Variants in TYR observed in about 807,000 individuals in gnomAD.
TYR encodes tyrosinase, also known as LB24-AB.
In TYR, 58 loss-of-function variants were observed where a neutral mutation model predicts 51.5. The ratio of observed to expected loss-of-function variants is 1.13; its 90% CI spans 0.91 to 1.40. The LOEUF (loss-of-function observed/expected upper bound fraction) is 1.40. Among genes scored for constraint, TYR ranks in the 40% most tolerant of loss-of-function variants. The pLI is 0.00. For missense variants in TYR, 732 were observed against 647.4 expected, an observed-to-expected ratio of 1.13 and a Z score of -1.42; for synonymous variants, 263 against 235.2, an observed-to-expected ratio of 1.12 and a Z score of -1.08.
chr11:89,215,292 A>G (rs777046446), intron 2 of TYR, among the ~76,000 whole-genome samples: 7 of 149,360 alleles, frequency 4.7e-5, no homozygotes, highest in Middle Eastern at 3.3e-3. Flanking sequence ...CACAAAACCA[A>G]TCACCGTATG....
At chr11:89,211,199 A>G (rs117239866) in intron 2 of TYR, among the ~76,000 whole-genome samples, 35,318 of 152,034 alleles carry the variant, frequency 0.23, 6,356 homozygotes, top group African/African-American at 0.5. Context: ...TCGATGTGCT[A>G]TATTCAGGAG....
At position 89,247,305 on chromosome 11, in the gene TYR, C is replaced by A. The variant is rs533575101; in HGVS notation, c.1184+19335C>A. On this transcript the variant is annotated intron_variant, in intron 3 of 4. Coordinates refer to ENST00000263321, the MANE Select transcript of TYR (RefSeq NM_000372.5). ...CAGAACCTAGCACATAGGAGACATT[C>A]ATTACATACTTATTAGACTAAGTTG... Among the ~76,000 whole-genome samples, 4 of 152,278 alleles carry A rather than the reference C, an allele frequency of 2.6e-5. No homozygotes were observed. In the East Asian group the frequency reaches 7.7e-4, roughly 29 times the overall value.
chr11:89,189,499 T>C (rs759828444), intron 1 of TYR, among the ~76,000 whole-genome samples: 1 of 151,702 alleles, frequency 6.6e-6, no homozygotes, highest in Non-Finnish European at 1.5e-5. Context: ...AAGCACAAAA[T>C]GAAACTATTT....
At chr11:89,215,596 G>C (rs1347633885) in intron 2 of TYR, among the ~76,000 whole-genome samples, 1 of 152,058 alleles carries the variant, frequency 6.6e-6, no homozygotes, top group Non-Finnish European at 1.5e-5. Context: ...TTAAAAATTT[G>C]AGTCTAAGCA....
chr11:89,179,051 C>A (rs1354968931), intron 1 of TYR, among the ~76,000 whole-genome samples: 4 of 151,832 alleles, frequency 2.6e-5, no homozygotes, highest in Non-Finnish European at 5.9e-5. Flanking sequence ...TAGTATGGTG[C>A]CTTTAAAAAT....
At chr11:89,261,611 T>A (rs1944457077) in intron 3 of TYR, among the ~76,000 whole-genome samples, 1 of 152,076 alleles carries the variant, frequency 6.6e-6, no homozygotes, top group Non-Finnish European at 1.5e-5. Flanking sequence ...TCAACTATAA[T>A]AGAGACTTTT....
At chr11:89,209,109 A>C (rs561932834) in intron 2 of TYR, among the ~76,000 whole-genome samples, 10 of 152,346 alleles carry the variant, frequency 6.6e-5, no homozygotes, top group Admixed American at 3.9e-4. Context: ...TGCAGCCCAC[A>C]GAAGGTGAAC....
chr11:89,238,069 C>T (rs1227211458), intron 3 of TYR, among the ~76,000 whole-genome samples: 1 of 152,036 alleles, frequency 6.6e-6, no homozygotes, highest in Non-Finnish European at 1.5e-5. Flanking sequence ...CTCCTGACCT[C>T]AAGTGATCCA....
rs1461376975 is a variant in TYR at position 89,218,699 on chromosome 11, CTTAA to C, written c.1037-9120_1037-9117del. Among the ~76,000 whole-genome samples the C allele has an allele frequency of 9.8e-4, 150 of 152,290 alleles. 2 individuals carry two copies. The highest frequency in any genetic ancestry group is 3.8e-4 in the African/African-American group (16 of 41,566). ...TCTAAAAACTTTTCACGTCCATTAT[CTTAA>C]TTATTCTTCTTAAATGCCTTATACC... is the stretch of plus-strand genomic sequence containing the variant. On this transcript the variant is annotated intron_variant, in intron 2 of 4. Coordinates refer to ENST00000263321, the MANE Select transcript of TYR (RefSeq NM_000372.5).
intron 1 of TYR, among the ~76,000 whole-genome samples, chr11:89,182,872 G>GA (rs34295137): frequency 2.0e-5 from 3 of 151,624 alleles, no homozygotes; most frequent in Non-Finnish European, 4.4e-5. Context: ...AAACAAAGAG[G>GA]AAAAAACATT....
chr11:89,260,180 GT>G, intron 3 of TYR, among the ~76,000 whole-genome samples: 1 of 150,862 alleles, frequency 6.6e-6, no homozygotes, highest in African/African-American at 2.4e-5. Context: ...CTATCAGACA[GT>G]TTTATTACCT....
chr11:89,208,410 ATTGACCTTTC>A (rs528053007), intron 2 of TYR, among the ~76,000 whole-genome samples: 153 of 152,360 alleles, frequency 1.0e-3, no homozygotes, highest in African/African-American at 3.4e-3. Context: ...ACTTTTATTT[ATTGACCTTTC>A]TTGATGCATA....
At chr11:89,202,622 T>TACATACACACACACACACAC (rs1555086932) in intron 2 of TYR, among the ~76,000 whole-genome samples, 60 of 141,370 alleles carry the variant, frequency 4.2e-4, no homozygotes, top group African/African-American at 1.5e-3. Context: ...ATTTTCATAA[T>TACATACACACACACACACAC]ACACACACAC....
At chr11:89,224,061 A>G (rs1390220851) in intron 2 of TYR, among the ~76,000 whole-genome samples, 2 of 152,108 alleles carry the variant, frequency 1.3e-5, no homozygotes, top group African/African-American at 2.4e-5. Flanking sequence ...AACACCTGAT[A>G]TAGGATGAGA....
chr11:89,212,490 C>A lies in TYR; in HGVS notation c.1037-15333C>A, dbSNP rs541107293. Among the ~76,000 whole-genome samples, 10 of 152,234 alleles carry A rather than the reference C, an allele frequency of 6.6e-5. No homozygotes were observed. In the South Asian group the frequency reaches 2.1e-3, roughly 32 times the overall value. ...AGTCCAGGATCAGATGGATTCACAG[C>A]CGAATTCCACCAGAGGTACAAAGAG... On this transcript the variant is annotated intron_variant, in intron 2 of 4. Transcript: ENST00000263321.
intron 4 of TYR, 28 bp downstream of exon 4, chr11:89,284,982 T>G (rs768516428): frequency 1.9e-6 from 3 of 1,588,906 alleles, no homozygotes; most frequent in Non-Finnish European, 2.6e-6. Flanking sequence ...TCAGAGGAAT[T>G]GCTGAATCTA....
chr11:89,244,009 G>A (rs2135293692), intron 3 of TYR, among the ~76,000 whole-genome samples: 1 of 152,168 alleles, frequency 6.6e-6, no homozygotes, highest in East Asian at 1.9e-4. Context: ...CCCCTGGTTG[G>A]TAGAATTATG....
chr11:89,211,025 C>T (rs1479666259), intron 2 of TYR, among the ~76,000 whole-genome samples: 3 of 152,124 alleles, frequency 2.0e-5, no homozygotes, highest in Admixed American at 6.5e-5. Context: ...ATTGTAAAGA[C>T]CATCAATGCT....
intron 2 of TYR, among the ~76,000 whole-genome samples, chr11:89,216,509 C>T (rs533684553): frequency 5.9e-5 from 9 of 151,864 alleles, no homozygotes; most frequent in African/African-American, 2.2e-4. Context: ...AAAAATTAGC[C>T]AGGCATGGTG....
Sources: allele counts gnomAD v4.1 joint callset (sites outside exome capture counted in the v4.1 genomes callset), GRCh38; gene constraint gnomAD v4.1.1; transcripts MANE v1.5; gene names NCBI Gene and HGNC (gene_info 2026-07-23, HGNC 2026-07-21).